Variants in PGBD5 observed in about 807,000 individuals in gnomAD.
PGBD5 encodes the protein piggyBac transposable element derived 5.
Under a neutral mutation model 47.9 loss-of-function variants are expected in PGBD5, and 14 were observed. The ratio of observed to expected loss-of-function variants is 0.29; its 90% confidence interval spans 0.19 to 0.46. PGBD5 has a LOEUF of 0.46. Ranked by LOEUF, PGBD5 falls within the 20% of genes least tolerant of loss-of-function variation. PGBD5 has a pLI of 1.00. For synonymous variants in PGBD5, 316 were observed against 306.3 expected (o/e 1.03, Z -0.33); for missense variants, 635 against 716.0 (o/e 0.89, Z 1.29).
At chr1:230,411,141 G>A (rs2102749693) in intron 1 of PGBD5, among the ~76,000 whole-genome samples, 1 of 152,252 alleles carries the variant, frequency 6.6e-6, no homozygotes, top group South Asian at 2.1e-4. Flanking sequence ...AAATTAGTCA[G>A]GTATGGTGGC....
At chr1:230,398,634 C>T (rs569567326) in intron 1 of PGBD5, among the ~76,000 whole-genome samples, 1 of 152,336 alleles carries the variant, frequency 6.6e-6, no homozygotes, top group Admixed American at 6.5e-5. Flanking sequence ...GAACTAGAGA[C>T]AGGGGTCTTG....
At chr1:230,387,668 G>A (rs1656677466) in intron 1 of PGBD5, among the ~76,000 whole-genome samples, 1 of 152,166 alleles carries the variant, frequency 6.6e-6, no homozygotes, top group African/African-American at 2.4e-5. Context: ...TAGAAGGGTG[G>A]TGATTCGGGT....
chr1:230,362,843 T>C (rs527868445), intron 1 of PGBD5, among the ~76,000 whole-genome samples: 65 of 152,132 alleles, frequency 4.3e-4, no homozygotes, highest in Admixed American at 2.3e-3. Context: ...TGGGTCTCTA[T>C]GGCAACAGTC....
intron 5 of PGBD5, 48 bp from the exon 6 acceptor site, chr1:230,325,463 A>C: frequency 1.5e-6 from 2 of 1,317,392 alleles, no homozygotes; most frequent in Non-Finnish European, 2.2e-6. Context: ...CCTCCTCCTA[A>C]TGCCACTTTA....
chr1:230,425,684 G>T lies in PGBD5; in HGVS notation c.245C>A (p.Ala82Glu). The T allele has an allele frequency of 8.2e-7, 1 of 1,217,408 alleles. No homozygotes were observed. Among genetic ancestry groups the T allele is most frequent in the Non-Finnish European group, 1.0e-6 (1 of 978,860 alleles). 75.4% of individuals were successfully genotyped at this position (1,217,408 alleles called of 1,614,324 possible). The stretch of plus-strand genomic sequence containing the variant: ...GGCCTCGTCCTCCTCCGGCTCCTGT[G>T]CGTCCGGGGCGCGGGGCGGTGGCGG... The part of the protein sequence containing the change: ...AAPPPPRAPD[A>E]QEPEEDEAGA... Residue 82 changes from alanine (A) to glutamate (E), a missense_variant, in exon 1 of 7, where the codon GCA becomes GAA. By Grantham distance (107) the Ala-to-Glu change is moderately radical (BLOSUM62 -1). Transcript: ENST00000391860. The surrounding 1 kb of genome is among the most constrained non-coding windows in gnomAD (Gnocchi z 4.7).
intron 2 of PGBD5, among the ~76,000 whole-genome samples, chr1:230,355,862 C>T (rs1380451401): frequency 2.6e-5 from 4 of 152,048 alleles, no homozygotes; most frequent in Non-Finnish European, 4.4e-5. Flanking sequence ...GTGGGGAGAA[C>T]GATCCAGAGA....
chr1:230,396,929 GTC>G (rs1260978831), intron 1 of PGBD5, among the ~76,000 whole-genome samples: 24 of 152,216 alleles, frequency 1.6e-4, no homozygotes, highest in African/African-American at 5.8e-4. Flanking sequence ...CACGCTGGAA[GTC>G]AGAGCACTCC....
chr1:230,384,103 G>A (rs1656580357), intron 1 of PGBD5, among the ~76,000 whole-genome samples: 1 of 152,186 alleles, frequency 6.6e-6, no homozygotes, highest in South Asian at 2.1e-4. Flanking sequence ...TGATTTCTTT[G>A]GGGGAATACT....
intron 1 of PGBD5, among the ~76,000 whole-genome samples, chr1:230,401,134 A>G (rs1176017501): frequency 1.3e-5 from 2 of 152,240 alleles, no homozygotes; most frequent in Non-Finnish European, 2.9e-5. Flanking sequence ...GCAGATGGTC[A>G]GGACAGGCAT....
At chr1:230,419,790 T>C (rs1379630737) in intron 1 of PGBD5, among the ~76,000 whole-genome samples, 1 of 152,184 alleles carries the variant, frequency 6.6e-6, no homozygotes, top group Non-Finnish European at 1.5e-5. Context: ...AATATTGCTT[T>C]ATCATTTGAT....
At position 230,315,782 on chromosome 1, in the gene PGBD5, A is replaced by G. The variant is rs1383483908; in HGVS notation, c.*7643T>C. 1 of 133,448 alleles carries G rather than the reference A, an allele frequency of 7.5e-6. No individual in the cohort carries two copies. The highest frequency in any genetic ancestry group is 1.6e-5 in the Non-Finnish European group (1 of 60,702). 8.3% of individuals were successfully genotyped at this position (133,448 alleles called of 1,614,324 possible). On this transcript the variant is annotated 3_prime_UTR_variant, in exon 7 of 7. Transcript: ENST00000391860. ...ATACATATATTATAGATGTATGCATATATGTATATATGTATACATATATGT... is the reference window on the plus strand; with the variant it reads ...ATACATATATTATAGATGTATGCATGTATGTATATATGTATACATATATGT...
intron 1 of PGBD5, among the ~76,000 whole-genome samples, chr1:230,390,710 G>A (rs965112689): frequency 6.6e-6 from 1 of 152,098 alleles, no homozygotes; most frequent in East Asian, 1.9e-4. Context: ...CCCACTTGTT[G>A]GGTGTGTGTT....
Position 230,425,221 on chromosome 1 carries a change from C to G in PGBD5, c.331+377G>C, listed in dbSNP as rs1657747389. Among the ~76,000 whole-genome samples the G allele has an allele frequency of 6.6e-6, 1 of 152,114 alleles. No homozygotes were observed. Among genetic ancestry groups the G allele is most frequent in the South Asian group, 2.1e-4 (1 of 4,826 alleles). The stretch of plus-strand genomic sequence containing the variant: ...AAACGACTCCCCCTGCCTCCACCAG[C>G]CACGCCGGGCTTTCAGAAAAGCCCC... On this transcript the variant is annotated intron_variant, in intron 1 of 6. Transcript: ENST00000391860. This position sits in a 1 kb window ranked among gnomAD's most constrained non-coding sequence, Gnocchi z 4.7.
In PGBD5 at chr1:230,426,070, G is replaced by T; in HGVS notation, c.-142C>A. 1 of 262,916 alleles carries T rather than the reference G, an allele frequency of 3.8e-6. No individual in the cohort carries two copies. Among genetic ancestry groups the T allele is most frequent in the Non-Finnish European group, 5.7e-6 (1 of 174,120 alleles). The allele number at this position is 262,916 out of a possible 1,614,324, so 16.3% of individuals were successfully genotyped here. A position where few individuals can be genotyped will look rare whatever the true frequency, so the allele number is the denominator to read the frequency against. ...CCGCCGCCCCGTGCCCGGCCGGCCC[G>T]CCGTCTTGGCCGCCTCGGGCCCAGC... On this transcript the variant is annotated 5_prime_UTR_variant, in exon 1 of 7. Transcript: ENST00000391860.
chr1:230,368,744 T>C (rs932494945), intron 1 of PGBD5, among the ~76,000 whole-genome samples: 82 of 152,364 alleles, frequency 5.4e-4, no homozygotes, highest in Non-Finnish European at 9.8e-4. Flanking sequence ...GAAACCCTTC[T>C]GGCAGCCTGA....
intron 1 of PGBD5, among the ~76,000 whole-genome samples, chr1:230,363,574 T>G (rs1179434610): frequency 6.7e-6 from 1 of 149,504 alleles, no homozygotes; most frequent in African/African-American, 2.5e-5. Context: ...AGAGCGAGAC[T>G]CCATCTCAAA....
intron 1 of PGBD5, among the ~76,000 whole-genome samples, chr1:230,405,447 T>C (rs966471543): frequency 1.3e-5 from 2 of 152,182 alleles, no homozygotes; most frequent in Non-Finnish European, 2.9e-5. Flanking sequence ...CTTCATAATA[T>C]TTTTTTCTCT....
At chr1:230,368,362 A>G (rs1225005981) in intron 1 of PGBD5, among the ~76,000 whole-genome samples, 2 of 152,288 alleles carry the variant, frequency 1.3e-5, no homozygotes, top group African/African-American at 4.8e-5. Flanking sequence ...TGACTGCTAA[A>G]GTGCAAACAT....
At chr1:230,377,089 G>C (rs1247457405) in intron 1 of PGBD5, among the ~76,000 whole-genome samples, 3 of 152,188 alleles carry the variant, frequency 2.0e-5, no homozygotes, top group Non-Finnish European at 4.4e-5. Flanking sequence ...CAGTCTGGCT[G>C]GGTGCAGAAA....
Sources: gnomAD v4.1 joint callset for allele counts (sites outside exome capture counted in the v4.1 genomes callset) on GRCh38, gnomAD v4.1.1 for gene constraint, Gnocchi (gnomAD v3.1) non-coding constraint, MANE v1.5 for transcripts, NCBI Gene and HGNC (gene_info 2026-07-23, HGNC 2026-07-21) for gene names.